The following KNTC1 variants were observed in gnomAD, a reference collection of about 807,000 sequenced individuals.
KNTC1 encodes the protein kinetochore associated 1.
A neutral mutation model predicts 314.4 loss-of-function variants in KNTC1; 253 were observed. The ratio of observed to expected loss-of-function variants is 0.80; its 90% CI spans 0.73 to 0.89. KNTC1 has a LOEUF of 0.89. KNTC1 is among the 40% of genes least tolerant of loss of function. The pLI is 0.00. For synonymous variants in KNTC1, 901 were observed against 901.4 expected, an observed-to-expected ratio of 1.00 and a Z score of 0.01; for missense variants, 2,475 against 2,572.9, an observed-to-expected ratio of 0.96 and a Z score of 0.82.
chr12:122,546,780 TG>T, intron 10 of KNTC1, 106 bp downstream of exon 10: 1 of 639,570 alleles, frequency 1.6e-6, no homozygotes, highest in Non-Finnish European at 2.6e-6. Flanking sequence ...AACTATCTTG[TG>T]TACTGTGCTT....
At chr12:122,587,985 G>C (rs1869615843) in intron 39 of KNTC1, 111 bp downstream of exon 39, 2 of 872,582 alleles carry the variant, frequency 2.3e-6, no homozygotes, top group South Asian at 4.1e-5. Context: ...AAGGAAATTG[G>C]TAATTCGTCA....
rs1219423656 is a variant in KNTC1, at chr12:122,584,408, A to G, written c.3394A>G (p.Ile1132Val). The G allele has an allele frequency of 1.2e-6, 2 of 1,612,476 alleles. No individual in the cohort carries two copies. The highest frequency in any genetic ancestry group is 2.2e-5 in the East Asian group (1 of 44,850). ...VPVGLNLPSM[I>V]HDLASQAATI... is the part of the protein sequence containing the mutation. ...TGTGGGACTGAATCTTCCTTCCATG[A>G]TACATGATCTAGCAAGCCAAGCTGC... Residue 1132 changes from isoleucine to valine, a missense_variant, in exon 35 of 64, where the codon ATA (isoleucine) becomes GTA (valine). Ile to Val is a conservative substitution (Grantham distance 29). Coordinates refer to ENST00000333479, the MANE Select transcript of KNTC1 (RefSeq NM_014708.6).
intron 48 of KNTC1, among the ~76,000 whole-genome samples, chr12:122,603,804 A>G (rs57721222): frequency 0.2 from 30,543 of 152,110 alleles, 3,531 homozygotes; most frequent in East Asian, 0.46. Flanking sequence ...TCGCACTTTC[A>G]ATGAGGAATC....
chr12:122,613,903 T>C, intron 55 of KNTC1, 142 bp downstream of exon 55: 2 of 783,332 alleles, frequency 2.6e-6, no homozygotes, highest in Non-Finnish European at 3.6e-6. Context: ...TACAGTGGTG[T>C]GATCTCAGCT....
chr12:122,602,514 G>T lies in KNTC1; in HGVS notation c.4654-55G>T, dbSNP rs553558138. ...ATGGTATACTATTAGATGATTTTAT[G>T]ACAGTTTAGGATTGGGTTACTCTTA... On this transcript the variant is annotated intron_variant, in intron 45 of 63. Transcript: ENST00000333479. 4.6e-6 allele frequency: 5 copies of T among 1,081,590 alleles called. No individual in the cohort carries two copies. The Admixed American group carries it at 7.6e-5, about 17-fold the overall frequency. The allele number at this position is 1,081,590 out of a possible 1,614,324, so 67.0% of individuals were successfully genotyped here. A position where few individuals can be genotyped will look rare whatever the true frequency, so the allele number is the denominator to read the frequency against.
At chr12:122,616,566 T>A (rs972121681) in intron 57 of KNTC1, among the ~76,000 whole-genome samples, 1 of 152,188 alleles carries the variant, frequency 6.6e-6, no homozygotes, top group Non-Finnish European at 1.5e-5. Flanking sequence ...CGGCCGAGAT[T>A]TCCTGTTTTA....
intron 2 of KNTC1, 42 bp downstream of exon 2, chr12:122,530,234 A>C (rs1384757615): frequency 2.5e-6 from 4 of 1,590,682 alleles, no homozygotes; most frequent in Non-Finnish European, 3.4e-6. Context: ...CAGAATTTTT[A>C]CTGAGTGCTT....
At chr12:122,591,480 C>T in intron 42 of KNTC1, 27 bp downstream of exon 42, 9 of 1,123,296 alleles carry the variant, frequency 8.0e-6, no homozygotes, top group African/African-American at 1.6e-5. Flanking sequence ...CTGCTGTCAT[C>T]GATTCTGTTA....
chr12:122,626,205 A>T lies in KNTC1; in HGVS notation c.6607A>T (p.Met2203Leu), dbSNP rs201608746. ...CACTTCTGTGTTTCTTCCCATTTAG[A>T]TGTTTCTTAGTGGATTATCGTAAAT... ...PDTAPCEILK[M>L]FLSGLS is the part of the protein sequence containing the mutation. Residue 2203 changes from methionine (M) to leucine (L), a missense_variant and splice_region_variant, in exon 64 of 64, where the codon ATG becomes TTG. Coordinates refer to ENST00000333479, the MANE Select transcript of KNTC1 (RefSeq NM_014708.6). 6.3e-7 allele frequency: 1 copy of T among 1,584,194 alleles called. No individual in the cohort carries two copies. Among genetic ancestry groups the T allele is most frequent in the East Asian group, 2.2e-5 (1 of 44,656 alleles).
Position 122,604,886 on chromosome 12 carries a change from C to T in KNTC1, c.5185C>T (p.Arg1729Cys), listed in dbSNP as rs559013460. 63 of 1,601,390 alleles carry T rather than the reference C, an allele frequency of 3.9e-5. No individual in the cohort carries two copies. The African/African-American group carries it at 6.0e-4, about 15-fold the overall frequency. Residue 1729 changes from arginine to cysteine, a missense_variant, in exon 50 of 64, where the codon CGT becomes TGT. Physicochemically the swap from Arg to Cys is radical, Grantham distance 180. Transcript: ENST00000333479. ...TGGAATTGTTTAAAAGGACGAAAAA[C>T]GTGAAAAAGCCGAGGCTTTGTTGAA... ...LQNIPSQDEK[R>C]EKAEALLKKL...
intron 48 of KNTC1, among the ~76,000 whole-genome samples, chr12:122,604,150 TGA>T (rs1179696338): frequency 2.0e-5 from 3 of 149,710 alleles, no homozygotes; most frequent in Non-Finnish European, 4.4e-5. Context: ...TGGAATCTGA[TGA>T]GAGGGCCCCG....
chr12:122,551,300 TG>T lies in KNTC1; in HGVS notation c.1087-18del, dbSNP rs770008341. 49 of 1,463,502 alleles carry T rather than the reference TG, an allele frequency of 3.3e-5. No individual in the cohort carries two copies. The highest frequency in any genetic ancestry group is 1.6e-4 in the East Asian group (7 of 43,710). The allele number at this position is 1,463,502 out of a possible 1,614,324, so 90.7% of individuals were successfully genotyped here. On this transcript the variant is annotated intron_variant, in intron 13 of 63. Transcript: ENST00000333479. The stretch of plus-strand genomic sequence containing the variant: ...TGCTCTTATATTGGAATTTTAATCA[TG>T]TTTTTTTGTTATTGTAGGATACCAT...
At chr12:122,529,285 T>C (rs1319920184) in intron 1 of KNTC1, among the ~76,000 whole-genome samples, 5 of 152,204 alleles carry the variant, frequency 3.3e-5, no homozygotes, top group African/African-American at 9.6e-5. Flanking sequence ...TTTATAGATA[T>C]TGAAACATAC....
intron 51 of KNTC1, among the ~76,000 whole-genome samples, chr12:122,606,365 G>A (rs1341145990): frequency 6.6e-6 from 1 of 151,340 alleles, no homozygotes; most frequent in Admixed American, 6.6e-5. Flanking sequence ...TTACAGGTGT[G>A]CGCCACTATG....
intron 1 of KNTC1, 81 bp from the exon 2 acceptor site, chr12:122,529,910 T>C (rs1214114956): frequency 5.8e-6 from 4 of 687,562 alleles, no homozygotes; most frequent in Non-Finnish European, 9.2e-6. Context: ...AAGATGTCTG[T>C]ATATGTTAAT....
chr12:122,610,943 G>T (rs1455338942), intron 53 of KNTC1, 43 bp downstream of exon 53: 1 of 1,412,926 alleles, frequency 7.1e-7, no homozygotes, highest in South Asian at 1.2e-5. Flanking sequence ...GTGCATCTCA[G>T]CTTAACATTT....
intron 63 of KNTC1, 74 bp downstream of exon 63, chr12:122,624,762 C>G: frequency 9.9e-7 from 1 of 1,007,246 alleles, no homozygotes; most frequent in Non-Finnish European, 1.6e-6. Context: ...ATTGACAAGC[C>G]TTTTCTAGTG....
intron 63 of KNTC1, among the ~76,000 whole-genome samples, chr12:122,625,472 C>T (rs1396884951): frequency 5.9e-5 from 9 of 151,734 alleles, no homozygotes; most frequent in Admixed American, 2.6e-4. Flanking sequence ...GAAGCTGAGG[C>T]AGGAGAATTG....
At chr12:122,529,690 ATAAT>A (rs1347594040) in intron 1 of KNTC1, among the ~76,000 whole-genome samples, 2 of 152,210 alleles carry the variant, frequency 1.3e-5, no homozygotes, top group Non-Finnish European at 2.9e-5. Context: ...AAAACTTGGT[ATAAT>A]TAAAGGTTTA....
Sources: gnomAD v4.1 joint callset for allele counts (sites outside exome capture counted in the v4.1 genomes callset) on GRCh38, gnomAD v4.1.1 for gene constraint, MANE v1.5 for transcripts, NCBI Gene and HGNC (gene_info 2026-07-23, HGNC 2026-07-21) for gene names.